The following PCDH7 variants were observed in gnomAD, a reference collection of about 807,000 sequenced individuals.
PCDH7 encodes protocadherin-7.
In PCDH7, 17 loss-of-function variants were observed where a neutral mutation model predicts 58.9. The observed-to-expected ratio is 0.29, with a 90% CI of 0.20 to 0.43. The LOEUF is 0.43. Ranked by LOEUF, PCDH7 falls within the 20% of genes least tolerant of loss-of-function variation. PCDH7 has a pLI of 1.00. For synonymous variants in PCDH7, 664 were observed against 616.4 expected (o/e 1.08, Z -1.14); for missense variants, 1,274 against 1,441.0 (o/e 0.88, Z 1.88).
Position 31,023,032 on chromosome 4 carries a change from G to A in PCDH7, c.*7+72817G>A, listed in dbSNP as rs566723120. ...CAGAACAAGGGGATTGCGTTCATAGGTAAAGGAAATGAGAGCGAAACCGGC... is the reference window on the plus strand; with the variant it reads ...CAGAACAAGGGGATTGCGTTCATAGATAAAGGAAATGAGAGCGAAACCGGC... On this transcript the variant is annotated intron_variant, in intron 3 of 3. Coordinates refer to the PCDH7 transcript ENST00000509759. Among the ~76,000 whole-genome samples, 20 of 152,262 alleles carry A rather than the reference G, an allele frequency of 1.3e-4. No homozygotes were observed. In the South Asian group the frequency reaches 3.5e-3, roughly 27 times the overall value.
intron 1 of PCDH7, among the ~76,000 whole-genome samples, chr4:30,917,779 A>G (rs1015958196): frequency 2.0e-5 from 3 of 152,072 alleles, no homozygotes; most frequent in African/African-American, 7.2e-5. Context: ...TATTGTTAAC[A>G]TTTTTCATTA....
chr4:31,106,297 G>A (rs1715566395), intron 3 of PCDH7, among the ~76,000 whole-genome samples: 1 of 152,046 alleles, frequency 6.6e-6, no homozygotes, highest in African/African-American at 2.4e-5. Flanking sequence ...TGCAGAAATG[G>A]TCAGCCTTTA....
intron 3 of PCDH7, among the ~76,000 whole-genome samples, chr4:31,030,496 A>G (rs1754813232): frequency 1.3e-5 from 2 of 152,248 alleles, no homozygotes; most frequent in South Asian, 2.1e-4. Context: ...TTGTGTCTTC[A>G]GGATAAGAGC....
chr4:30,897,250 G>A (rs1401379158), intron 1 of PCDH7, among the ~76,000 whole-genome samples: 2 of 152,070 alleles, frequency 1.3e-5, no homozygotes, highest in Admixed American at 1.3e-4. Context: ...AAACTCCTTT[G>A]TCAGAGACTA....
At chr4:30,787,510 T>G (rs1472666089) in intron 1 of PCDH7, among the ~76,000 whole-genome samples, 1 of 152,130 alleles carries the variant, frequency 6.6e-6, no homozygotes, top group Non-Finnish European at 1.5e-5. Context: ...ACAGTATATG[T>G]CACAGACATT....
At chr4:31,076,764 T>C (rs1409756946) in intron 3 of PCDH7, among the ~76,000 whole-genome samples, 2 of 152,224 alleles carry the variant, frequency 1.3e-5, no homozygotes, top group Non-Finnish European at 2.9e-5. Context: ...TTACACAGGT[T>C]ATCTATTGGT....
intron 1 of PCDH7, among the ~76,000 whole-genome samples, chr4:30,810,561 AC>A (rs778797171): frequency 8.6e-5 from 13 of 151,766 alleles, no homozygotes; most frequent in South Asian, 8.3e-4. Context: ...TTTTTAAAAA[AC>A]GTCTTCTCAT....
intron 3 of PCDH7, among the ~76,000 whole-genome samples, chr4:30,983,666 G>C (rs1391187627): frequency 6.6e-6 from 1 of 152,100 alleles, no homozygotes; most frequent in Non-Finnish European, 1.5e-5. Flanking sequence ...ATGTGGCTTA[G>C]TACAAATCAA....
chr4:31,078,204 T>A (rs772815476), intron 3 of PCDH7, among the ~76,000 whole-genome samples: 3 of 152,112 alleles, frequency 2.0e-5, no homozygotes, highest in Non-Finnish European at 4.4e-5. Context: ...CAAGGAAGCT[T>A]ATGTGAACCT....
chr4:31,128,449 T>C (rs1327745025), intron 3 of PCDH7, among the ~76,000 whole-genome samples: 1 of 152,168 alleles, frequency 6.6e-6, no homozygotes, highest in Non-Finnish European at 1.5e-5. Context: ...GAAGAGAGCC[T>C]TCTGCTATTC....
chr4:30,723,665 T>G lies in PCDH7; in HGVS notation c.2243T>G (p.Ile748Ser). Reference sequence around the variant, plus strand: ...CCCACAGTTACCCTTCCCAAAAACATTTCCTACACTTTACTGCCACCTTCG... The same window carrying G: ...CCCACAGTTACCCTTCCCAAAAACAGTTCCTACACTTTACTGCCACCTTCG... Residue 748 changes from isoleucine to serine, a missense_variant, in exon 1 of 2, where the codon ATT becomes AGT. Ile to Ser is a moderately radical substitution (Grantham distance 142). Transcript: ENST00000361762. The surrounding 1 kb of genome is among the most constrained non-coding windows in gnomAD (Gnocchi z 4.6). The G allele has an allele frequency of 8.1e-6, 13 of 1,614,156 alleles. No individual in the cohort carries two copies. Among genetic ancestry groups the G allele is most frequent in the Non-Finnish European group, 1.1e-5 (13 of 1,180,038 alleles).
chr4:31,005,514 A>G (rs1348894766), intron 3 of PCDH7, among the ~76,000 whole-genome samples: 1 of 152,210 alleles, frequency 6.6e-6, no homozygotes, highest in African/African-American at 2.4e-5. Flanking sequence ...GAAAAAAAAG[A>G]TAAAATTGGG....
chr4:30,979,452 A>G (rs999672759), intron 3 of PCDH7, among the ~76,000 whole-genome samples: 1 of 152,138 alleles, frequency 6.6e-6, no homozygotes, highest in Non-Finnish European at 1.5e-5. Flanking sequence ...AGAATATACA[A>G]TGAGATGATT....
intron 3 of PCDH7, among the ~76,000 whole-genome samples, chr4:30,975,203 T>G (rs964006768): frequency 1.3e-5 from 2 of 148,944 alleles, no homozygotes; most frequent in African/African-American, 4.9e-5. Flanking sequence ...GTGGTGAATC[T>G]CCTACCAAAA....
At chr4:30,788,748 C>T (rs1723744195) in intron 1 of PCDH7, among the ~76,000 whole-genome samples, 1 of 152,018 alleles carries the variant, frequency 6.6e-6, no homozygotes, top group African/African-American at 2.4e-5. Flanking sequence ...GAGAGAAACA[C>T]TCTGAACAAG....
chr4:31,064,273 A>G (rs548236666), intron 3 of PCDH7, among the ~76,000 whole-genome samples: 143 of 152,114 alleles, frequency 9.4e-4, no homozygotes, highest in Non-Finnish European at 1.8e-3. Context: ...AGGAGAAAAA[A>G]GTCACCTTTA....
chr4:31,143,881 C>CA (rs1488288277), downstream of PCDH7: 1 of 152,070 alleles, frequency 6.6e-6, no homozygotes, highest in Non-Finnish European at 1.5e-5. Flanking sequence ...AAAATGAAAA[C>CA]TAGTGAGATA....
intron 3 of PCDH7, among the ~76,000 whole-genome samples, chr4:30,960,112 G>GGGAAGGAAGGAAGGAAGGAAGGAAGGAA (rs796354089): frequency 2.1e-4 from 14 of 65,802 alleles, no homozygotes; most frequent in East Asian, 5.5e-4. Context: ...AAAGGAAGGA[G>GGGAAGGAAGGAAGGAAGGAAGGAAGGAA]GGAAGGAAGG....
At chr4:30,755,390 C>T (rs540834829) in intron 1 of PCDH7, among the ~76,000 whole-genome samples, 44 of 152,172 alleles carry the variant, frequency 2.9e-4, no homozygotes, top group African/African-American at 1.1e-3. Flanking sequence ...TTTTTGGATC[C>T]TGAAAGTTGC....
Sources: gnomAD v4.1 joint callset for allele counts (sites outside exome capture counted in the v4.1 genomes callset) on GRCh38, gnomAD v4.1.1 for gene constraint, Gnocchi (gnomAD v3.1) non-coding constraint, MANE v1.5 for transcripts, NCBI Gene and HGNC (gene_info 2026-07-23, HGNC 2026-07-21) for gene names.